SLC25A12: variants seen among roughly 807,000 people sequenced by gnomAD.
SLC25A12 encodes the protein electrogenic aspartate/glutamate antiporter SLC25A12, mitochondrial.
In SLC25A12, 32 loss-of-function variants were observed where a neutral mutation model predicts 83.3. The ratio of observed to expected loss-of-function variants is 0.38; its 90% CI spans 0.29 to 0.52. The LOEUF is 0.52. SLC25A12 is among the 20% of genes least tolerant of loss of function. The pLI is 0.84. For missense variants in SLC25A12, 611 were observed against 835.6 expected, an observed-to-expected ratio of 0.73 and a Z score of 3.31; for synonymous variants, 267 against 291.1, an observed-to-expected ratio of 0.92 and a Z score of 0.84.
intron 9 of SLC25A12, among the ~76,000 whole-genome samples, chr2:171,819,651 A>T (rs1684143517): frequency 6.6e-6 from 1 of 151,306 alleles, no homozygotes; most frequent in Non-Finnish European, 1.5e-5. Context: ...TAATAAATAA[A>T]CCTAACTTTC....
At chr2:171,892,907 T>C (rs1685974096) in intron 2 of SLC25A12, among the ~76,000 whole-genome samples, 1 of 152,138 alleles carries the variant, frequency 6.6e-6, no homozygotes, top group African/African-American at 2.4e-5. Flanking sequence ...AGAATGCCAA[T>C]ACATTTTGAA....
intron 3 of SLC25A12, among the ~76,000 whole-genome samples, chr2:171,857,697 T>G (rs573884085): frequency 5.5e-4 from 84 of 151,640 alleles, no homozygotes; most frequent in African/African-American, 2.0e-3. Context: ...AAAAAATTTT[T>G]TTTAAATAAA....
At chr2:171,843,961 A>C (rs1684738521) in intron 5 of SLC25A12, among the ~76,000 whole-genome samples, 1 of 151,980 alleles carries the variant, frequency 6.6e-6, no homozygotes, top group African/African-American at 2.4e-5. Flanking sequence ...ACACCCGGCT[A>C]ATTTTAGTAG....
intron 8 of SLC25A12, among the ~76,000 whole-genome samples, chr2:171,833,134 G>C (rs1471592267): frequency 1.3e-5 from 2 of 152,088 alleles, no homozygotes; most frequent in African/African-American, 4.8e-5. Context: ...TCATGCAGCA[G>C]GGCTTCCAGT....
intron 13 of SLC25A12, among the ~76,000 whole-genome samples, chr2:171,804,771 G>T (rs1387653418): frequency 6.6e-6 from 1 of 152,182 alleles, no homozygotes; most frequent in African/African-American, 2.4e-5. Context: ...AGCTGAGGGT[G>T]GTGGCACACA....
At chr2:171,886,774 T>C (rs1398939632) in intron 2 of SLC25A12, among the ~76,000 whole-genome samples, 1 of 152,188 alleles carries the variant, frequency 6.6e-6, no homozygotes, top group African/African-American at 2.4e-5. Flanking sequence ...CCTCCCAAAG[T>C]GCTGGGATTA....
chr2:171,825,407 T>C (rs1318991312), intron 9 of SLC25A12, among the ~76,000 whole-genome samples: 2 of 152,172 alleles, frequency 1.3e-5, no homozygotes, highest in South Asian at 4.1e-4. Context: ...CCTAACCAAG[T>C]CTTCCCAAAG....
chr2:171,852,881 T>C (rs934564699), intron 4 of SLC25A12, among the ~76,000 whole-genome samples: 6 of 152,194 alleles, frequency 3.9e-5, no homozygotes, highest in Admixed American at 2.6e-4. Context: ...AGAAAATTTG[T>C]CTCAAAGTGG....
At chr2:171,841,359 C>T (rs922035776) in intron 5 of SLC25A12, among the ~76,000 whole-genome samples, 3 of 151,460 alleles carry the variant, frequency 2.0e-5, no homozygotes, top group Non-Finnish European at 2.9e-5. Context: ...GGATTACAGG[C>T]GTGAGCCAAA....
chr2:171,818,689 T>G (rs1022423435), intron 9 of SLC25A12, among the ~76,000 whole-genome samples: 3 of 151,950 alleles, frequency 2.0e-5, no homozygotes, highest in Non-Finnish European at 2.9e-5. Flanking sequence ...GAAGGATCAC[T>G]TGAGCCTGGG....
chr2:171,792,684 T>G (rs1683505029), intron 14 of SLC25A12, among the ~76,000 whole-genome samples: 2 of 149,564 alleles, frequency 1.3e-5, no homozygotes, highest in Non-Finnish European at 3.0e-5. Flanking sequence ...AGAGAAGCAA[T>G]ATTAATAAAT....
chr2:171,876,544 G>T (rs868778787), intron 2 of SLC25A12, among the ~76,000 whole-genome samples: 2,322 of 68,654 alleles, frequency 0.034, 53 homozygotes, highest in Admixed American at 0.11. Flanking sequence ...TTTTTTTTTT[G>T]GGGGGGGGGG....
Position 171,834,789 on chromosome 2 carries a change from T to C in SLC25A12, c.689A>G (p.Glu230Gly). 6.2e-7 allele frequency: 1 copy of C among 1,613,966 alleles called. No individual in the cohort carries two copies. Among genetic ancestry groups the C allele is most frequent in the Non-Finnish European group, 8.5e-7 (1 of 1,179,938 alleles). ...AGTGCTATATATCTTACGAACAAGC[T>C]CCATGTTATTCAGTAACGAGTTAAA... ...NAFNSLLNNMELVRKIYSTLA... is the reference protein window; with the variant it reads ...NAFNSLLNNMGLVRKIYSTLA... The change falls in exon 7 of 18, where the codon GAG becomes GGG. Residue 230 changes from glutamate to glycine, a missense_variant. This residue lies in a region of SLC25A12 where 540 missense variants were observed against 777.5 expected (regional missense o/e 0.69). Coordinates refer to ENST00000422440, the MANE Select transcript of SLC25A12 (RefSeq NM_003705.5).
intron 2 of SLC25A12, among the ~76,000 whole-genome samples, chr2:171,880,063 T>C (rs1163023256): frequency 6.6e-6 from 1 of 152,188 alleles, no homozygotes; most frequent in Non-Finnish European, 1.5e-5. Flanking sequence ...AGCTACATAC[T>C]GAACTATTTA....
chr2:171,813,244 GCATACTACATATTGGCTTC>G lies in SLC25A12; in HGVS notation c.1171+76_1171+94del. On this transcript the variant is annotated intron_variant, in intron 11 of 17. Transcript: ENST00000422440. The stretch of plus-strand genomic sequence containing the variant: ...AGAGAAACAGACCTAGTCTGGCTAG[GCATACTACATATTGGCTTC>G]CATAATTAGTGAGTTAAAATCTGCT... 3.2e-6 allele frequency: 4 copies of G among 1,247,798 alleles called. No homozygotes were observed. In the South Asian group the frequency reaches 3.6e-5, roughly 11 times the overall value. 77.3% of individuals were successfully genotyped at this position (1,247,798 alleles called of 1,614,324 possible). A position where few individuals can be genotyped will look rare whatever the true frequency, so the allele number is the denominator to read the frequency against.
intron 8 of SLC25A12, among the ~76,000 whole-genome samples, chr2:171,829,623 T>A (rs1684387783): frequency 6.6e-6 from 1 of 152,010 alleles, no homozygotes; most frequent in Non-Finnish European, 1.5e-5. Flanking sequence ...TGAGTGTAGG[T>A]CCCCTTCTCC....
In SLC25A12 at chr2:171,784,804, CA is replaced by C. The variant is rs1387973086; in HGVS notation, c.*469del. The C allele has an allele frequency of 5.5e-6, 1 of 182,560 alleles. No homozygotes were observed. Among genetic ancestry groups the C allele is most frequent in the Non-Finnish European group, 1.2e-5 (1 of 85,070 alleles). The allele number at this position is 182,560 out of a possible 1,614,324, so 11.3% of individuals were successfully genotyped here. On this transcript the variant is annotated 3_prime_UTR_variant, in exon 18 of 18. Transcript: ENST00000422440. ...ACATCCAATATTGATGCTTTATTTC[CA>C]TAAGTCACCAATAAGAGAATGAATT... is the stretch of plus-strand genomic sequence containing the variant.
chr2:171,826,948 T>C, intron 8 of SLC25A12, 66 bp from the exon 9 acceptor site: 1 of 843,092 alleles, frequency 1.2e-6, no homozygotes. Context: ...AATCATCTTT[T>C]CTCAAAAAAA....
chr2:171,850,319 T>C (rs1684898531), intron 4 of SLC25A12, among the ~76,000 whole-genome samples: 1 of 150,766 alleles, frequency 6.6e-6, no homozygotes. Flanking sequence ...TTTCACCATG[T>C]TGGCCAGGCT....
Sources: allele counts gnomAD v4.1 joint callset (sites outside exome capture counted in the v4.1 genomes callset), GRCh38; gene constraint gnomAD v4.1.1; regional missense constraint gnomAD v4.1.1; transcripts MANE v1.5; gene names NCBI Gene and HGNC (gene_info 2026-07-23, HGNC 2026-07-21).